The following ZFHX3 variants were observed in gnomAD, a reference collection of about 807,000 sequenced individuals.
ZFHX3 encodes the protein zinc finger homeobox protein 3.
Under a neutral mutation model 279.1 loss-of-function variants are expected in ZFHX3, and 42 were observed. That is an observed-to-expected ratio of 0.15 (90% confidence interval 0.12 to 0.19). The LOEUF (loss-of-function observed/expected upper bound fraction) is 0.19. ZFHX3 is among the 10% of genes least tolerant of loss of function. ZFHX3 has a pLI of 1.00. For synonymous variants in ZFHX3, 2,293 were observed against 1,957.8 expected, an observed-to-expected ratio of 1.17 and a Z score of -4.52; for missense variants, 4,981 against 4,754.0, an observed-to-expected ratio of 1.05 and a Z score of -1.40.
At chr16:73,098,639 G>C (rs1966195556) in intron 7 of ZFHX3, 1 of 152,360 alleles carries the variant, frequency 6.6e-6, no homozygotes, top group South Asian at 2.1e-4. Flanking sequence ...TGGGATTACA[G>C]GCGTGAGCCA....
rs557184576 is a variant in ZFHX3 at position 73,477,528 on chromosome 16, C to T, written c.-1546-21270G>A. ...GACTATTCTATGTTCTATGGTGGGG[C>T]TGCTCAGCCTCTGTGTCCTGCATGG... On this transcript the variant is annotated intron_variant, in intron 2 of 17. Transcript: ENST00000641206. 4.6e-5 allele frequency among the ~76,000 whole-genome samples: 7 copies of T among 152,334 alleles called. No individual in the cohort carries two copies. In the South Asian group the frequency reaches 8.3e-4, roughly 18 times the overall value.
At chr16:73,816,419 C>A (rs1415212258) in intron 1 of ZFHX3, among the ~76,000 whole-genome samples, 1 of 152,108 alleles carries the variant, frequency 6.6e-6, no homozygotes, top group African/African-American at 2.4e-5. Context: ...GTCCAGACTA[C>A]CCCCTATCTT....
intron 4 of ZFHX3, among the ~76,000 whole-genome samples, chr16:72,864,788 A>G (rs1290548730): frequency 1.3e-5 from 2 of 152,232 alleles, no homozygotes; most frequent in East Asian, 3.8e-4. Flanking sequence ...GAAAGCCATC[A>G]ATCATCTACA....
At chr16:73,654,567 A>G (rs2052703462) in intron 2 of ZFHX3, among the ~76,000 whole-genome samples, 1 of 152,144 alleles carries the variant, frequency 6.6e-6, no homozygotes, top group Non-Finnish European at 1.5e-5. Flanking sequence ...AATTCCTAAA[A>G]AATTTATTAC....
intron 1 of ZFHX3, among the ~76,000 whole-genome samples, chr16:73,022,186 T>C (rs753245248): frequency 2.0e-5 from 3 of 152,072 alleles, no homozygotes; most frequent in Non-Finnish European, 2.9e-5. Context: ...TTTGCCCCCA[T>C]TGGAGTATCA....
Position 73,054,972 on chromosome 16 carries a change from A to C in ZFHX3, c.-24+3558T>G, listed in dbSNP as rs1965518131. Reference sequence around the variant, plus strand: ...CATCTTCCTAAACCCAAAAGATTTTAATAAAAGAACCTATACAGCAGACGA... The same window carrying C: ...CATCTTCCTAAACCCAAAAGATTTTCATAAAAGAACCTATACAGCAGACGA... On this transcript the variant is annotated intron_variant, in intron 1 of 8. Transcript: ENST00000397992. Among the ~76,000 whole-genome samples, 3 of 152,134 alleles carry C rather than the reference A, an allele frequency of 2.0e-5. No individual in the cohort carries two copies. In the South Asian group the frequency reaches 6.2e-4, roughly 32 times the overall value.
chr16:73,173,008 G>T (rs12922408), intron 5 of ZFHX3, among the ~76,000 whole-genome samples: 4,865 of 49,586 alleles, frequency 0.098, 252 homozygotes, highest in African/African-American at 0.12. Flanking sequence ...TTTTTTTTTT[G>T]TTTTTTTTTT....
At chr16:73,817,987 A>G (rs1960626051) in intron 1 of ZFHX3, among the ~76,000 whole-genome samples, 1 of 152,196 alleles carries the variant, frequency 6.6e-6, no homozygotes, top group Non-Finnish European at 1.5e-5. Context: ...GAAAGTTAAA[A>G]GCATTAATAA....
Position 73,340,990 on chromosome 16 carries a change from CTG to C in ZFHX3, c.-1290-22656_-1290-22655del, listed in dbSNP as rs1246863819. Among the ~76,000 whole-genome samples, 3 of 152,150 alleles carry C rather than the reference CTG, an allele frequency of 2.0e-5. No homozygotes were observed. In the East Asian group the frequency reaches 5.8e-4, roughly 29 times the overall value. On this transcript the variant is annotated intron_variant, in intron 3 of 17. Transcript: ENST00000641206. ...AAGATGCGTGACAAACAGGAGAAAA[CTG>C]TTTGCAATTTGTATCACCGGCCAAA...
intron 1 of ZFHX3, among the ~76,000 whole-genome samples, chr16:73,876,715 C>T (rs1424447573): frequency 6.6e-6 from 1 of 152,070 alleles, no homozygotes; most frequent in Non-Finnish European, 1.5e-5. Flanking sequence ...TTTGTTAAAC[C>T]AGAATGCTGG....
chr16:72,959,584 C>T lies in ZFHX3; in HGVS notation c.562G>A (p.Ala188Thr), dbSNP rs1961458178. ...TTGATGATCTGCGGGTACACGGGTG[C>T]AGCACACGAAGGGTCCCCTTGCTTG... ...GGKQGDPSCA[A>T]PVYPQIINTF... Residue 188 changes from alanine (A) to threonine (T), a missense_variant, in exon 2 of 10, where the codon GCA (alanine) becomes ACA (threonine). Around this residue, in one of 7 missense-constraint regions of ZFHX3, gnomAD observed 1,068 missense variants for 935.2 expected, o/e 1.14. Coordinates refer to ENST00000268489, the MANE Select transcript of ZFHX3 (RefSeq NM_006885.4). 6.2e-7 allele frequency: 1 copy of T among 1,614,150 alleles called. No homozygotes were observed. Among genetic ancestry groups the T allele is most frequent in the African/African-American group, 1.3e-5 (1 of 75,070 alleles).
At chr16:73,007,486 G>T (rs998423263) in intron 1 of ZFHX3, among the ~76,000 whole-genome samples, 2 of 152,010 alleles carry the variant, frequency 1.3e-5, no homozygotes, top group Admixed American at 6.6e-5. Context: ...TCACATTGTC[G>T]CCCAGGCTGG....
chr16:73,779,326 GA>G (rs1959371682), intron 1 of ZFHX3, among the ~76,000 whole-genome samples: 1 of 152,114 alleles, frequency 6.6e-6, no homozygotes, highest in South Asian at 2.1e-4. Flanking sequence ...TAATTGCCCA[GA>G]AATTAATTTT....
At chr16:73,182,820 G>A (rs1967826454) in intron 5 of ZFHX3, among the ~76,000 whole-genome samples, 2 of 143,078 alleles carry the variant, frequency 1.4e-5, no homozygotes, top group Admixed American at 1.5e-4. Flanking sequence ...TCACTTCTAA[G>A]TGAGAACTAA....
chr16:73,171,706 C>T (rs116314743), intron 5 of ZFHX3, among the ~76,000 whole-genome samples: 120 of 152,258 alleles, frequency 7.9e-4, no homozygotes, highest in African/African-American at 2.8e-3. Context: ...TCGACATCTG[C>T]ATATATATTC....
intron 1 of ZFHX3, among the ~76,000 whole-genome samples, chr16:72,985,952 C>A (rs1962821367): frequency 6.6e-6 from 1 of 152,190 alleles, no homozygotes; most frequent in Non-Finnish European, 1.5e-5. Context: ...ATGATAATTG[C>A]AGGGTCCCTG....
At chr16:73,616,237 C>A (rs1426729415) in intron 2 of ZFHX3, among the ~76,000 whole-genome samples, 1 of 150,846 alleles carries the variant, frequency 6.6e-6, no homozygotes, top group Non-Finnish European at 1.5e-5. Flanking sequence ...GCATATTTAC[C>A]TGATGAGCTT....
At chr16:73,288,153 C>A (rs1034933198) in intron 4 of ZFHX3, among the ~76,000 whole-genome samples, 4 of 138,876 alleles carry the variant, frequency 2.9e-5, no homozygotes, top group Admixed American at 1.5e-4. Flanking sequence ...ATCAGCCTCT[C>A]TTGCCTGTCA....
At chr16:73,565,629 A>G (rs961851955) in intron 2 of ZFHX3, among the ~76,000 whole-genome samples, 2 of 152,222 alleles carry the variant, frequency 1.3e-5, no homozygotes, top group African/African-American at 4.8e-5. Flanking sequence ...AATGAGAAAA[A>G]TAAGGTCCCC....
Sources: gnomAD v4.1 joint callset for allele counts (sites outside exome capture counted in the v4.1 genomes callset) on GRCh38, gnomAD v4.1.1 for gene constraint, gnomAD v4.1.1 regional missense constraint, MANE v1.5 for transcripts, NCBI Gene and HGNC (gene_info 2026-07-23, HGNC 2026-07-21) for gene names.